The following SUCLA2 variants were observed in gnomAD, a reference collection of about 807,000 sequenced individuals.
The protein encoded by SUCLA2 is succinate-CoA ligase ADP-forming subunit beta.
SUCLA2 carries 30 observed loss-of-function variants against 54.8 expected under a neutral mutation model. The ratio of observed to expected loss-of-function variants is 0.55; its 90% CI spans 0.41 to 0.74. The LOEUF is 0.74. SUCLA2 is among the 30% of genes least tolerant of loss of function. The probability of loss-of-function intolerance (pLI) is 0.00; values close to 1 mark genes in which losing one functional copy is unlikely to be tolerated. For synonymous variants in SUCLA2, 172 were observed against 188.9 expected (o/e 0.91, Z 0.74); for missense variants, 476 against 562.9 (o/e 0.85, Z 1.56).
intron 2 of SUCLA2, among the ~76,000 whole-genome samples, chr13:47,994,579 A>AG (rs1950176396): frequency 6.6e-6 from 1 of 151,794 alleles, no homozygotes. Flanking sequence ...AAAAAAAAAA[A>AG]AAAAAAAAAA....
At position 47,988,945 on chromosome 13, in the gene SUCLA2, G is replaced by T. The variant is rs1566091706; in HGVS notation, c.308C>A (p.Ala103Asp). 1 of 1,613,542 alleles carries T rather than the reference G, an allele frequency of 6.2e-7. No homozygotes were observed. The highest frequency in any genetic ancestry group is 8.5e-7 in the Non-Finnish European group (1 of 1,179,962). Residue 103 changes from alanine to aspartate, a missense_variant, in exon 3 of 11, where the codon GCT becomes GAT. Coordinates refer to ENST00000646932, the MANE Select transcript of SUCLA2 (RefSeq NM_003850.3). ...AAATGTTCCTTTTCCTCTACCACCA[G>T]CTAAAACCTGTGCCTTTATCACGAC... ...KDVVIKAQVL[A>D]GGRGKGTFES...
intron 2 of SUCLA2, among the ~76,000 whole-genome samples, chr13:47,995,195 ATTTT>A (rs869216476): frequency 4.6e-5 from 7 of 151,846 alleles, no homozygotes; most frequent in African/African-American, 1.7e-4. Context: ...TCTAAAAAAA[ATTTT>A]TTTTTGGAAT....
At chr13:47,980,796 T>C (rs75805830) in intron 4 of SUCLA2, among the ~76,000 whole-genome samples, 1,868 of 152,226 alleles carry the variant, frequency 0.012, 49 homozygotes, top group African/African-American at 0.043. Flanking sequence ...CTAAGGTATA[T>C]GATTAAATGA....
chr13:48,001,122 C>A (rs1950227762), intron 1 of SUCLA2, 58 bp downstream of exon 1: 2 of 1,559,692 alleles, frequency 1.3e-6, no homozygotes, highest in Non-Finnish European at 1.7e-6. Flanking sequence ...CGGGACCCCT[C>A]ACACCTCACC....
chr13:47,964,202 C>T (rs1475578819), intron 6 of SUCLA2, among the ~76,000 whole-genome samples: 1 of 151,886 alleles, frequency 6.6e-6, no homozygotes, highest in East Asian at 1.9e-4. Context: ...AAAGGTCAAC[C>T]TTAAAAGGTT....
In SUCLA2 at chr13:47,954,253, T is replaced by C. The variant is rs760781981; in HGVS notation, c.994A>G (p.Met332Val). The C allele has an allele frequency of 2.5e-6, 4 of 1,613,966 alleles. No homozygotes were observed. The highest frequency in any genetic ancestry group is 3.4e-6 in the Non-Finnish European group (4 of 1,179,872). ...VNGAGLAMAT[M>V]DIIKLHGGTP... ...CCTCCATGAAGTTTTATTATATCCATTGTGGCCATAGCCAAACCAGCACCA... is the reference window on the plus strand; with the variant it reads ...CCTCCATGAAGTTTTATTATATCCACTGTGGCCATAGCCAAACCAGCACCA... The change falls in exon 8 of 11, where the codon ATG (methionine) becomes GTG (valine). Residue 332 changes from methionine (M) to valine (V), a missense_variant. Physicochemically the swap from Met to Val is conservative, Grantham distance 21. Around this residue, in one of 2 missense-constraint regions of SUCLA2, gnomAD observed 342 missense variants for 444.2 expected, o/e 0.77. Transcript: ENST00000646932.
Position 47,968,697 on chromosome 13 carries a change from C to A in SUCLA2, c.700G>T (p.Glu234Ter). 6.2e-7 allele frequency: 1 copy of A among 1,612,184 alleles called. No individual in the cohort carries two copies. ...TTGACCATGTTTTCTGCTGCTGATT[C>A]CACAATATTAGGTGGAAATCCCATC... Reference protein sequence around the residue: ...QKMGFPPNIVESAAENMVKLY... With the variant: ...QKMGFPPNIV Residue 234 changes from glutamate to a stop codon, truncating the protein, a stop_gained, in exon 6 of 11, where the codon GAA becomes TAA. Coordinates refer to ENST00000646932, the MANE Select transcript of SUCLA2 (RefSeq NM_003850.3). LOFTEE classifies it high-confidence loss of function.
intron 5 of SUCLA2, 142 bp downstream of exon 5, chr13:47,973,122 G>T: frequency 2.9e-6 from 2 of 697,876 alleles, no homozygotes; most frequent in Non-Finnish European, 4.9e-6. Flanking sequence ...ATTCCAAAAT[G>T]AGCTATTTCA....
intron 1 of SUCLA2, among the ~76,000 whole-genome samples, chr13:47,998,571 GA>G (rs1321668766): frequency 1.3e-5 from 2 of 151,934 alleles, no homozygotes; most frequent in African/African-American, 2.4e-5. Context: ...GAAATAAAAA[GA>G]AAAAAAGTAC....
intron 4 of SUCLA2, 110 bp downstream of exon 4, chr13:47,988,431 T>C (rs1555259428): frequency 7.8e-7 from 1 of 1,279,326 alleles, no homozygotes; most frequent in Non-Finnish European, 1.1e-6. Flanking sequence ...TACAAACAGA[T>C]TATAATTTGT....
At chr13:48,000,447 G>A (rs957766508) in intron 1 of SUCLA2, among the ~76,000 whole-genome samples, 3 of 152,144 alleles carry the variant, frequency 2.0e-5, no homozygotes, top group African/African-American at 7.2e-5. Flanking sequence ...CAATGATGCA[G>A]GTGTTGAATG....
At chr13:47,955,185 T>A (rs189691158) in intron 6 of SUCLA2, among the ~76,000 whole-genome samples, 15 of 152,262 alleles carry the variant, frequency 9.9e-5, no homozygotes, top group African/African-American at 2.6e-4. Context: ...TATGGCCAGA[T>A]TCGGCCTGTG....
intron 4 of SUCLA2, among the ~76,000 whole-genome samples, chr13:47,985,107 G>A (rs1302857833): frequency 5.9e-5 from 9 of 152,140 alleles, no homozygotes; most frequent in African/African-American, 1.9e-4. Context: ...GTTACCTCCC[G>A]GAATCAGGAT....
intron 8 of SUCLA2, among the ~76,000 whole-genome samples, chr13:47,952,696 TTCA>T (rs1287498185): frequency 1.3e-3 from 191 of 152,244 alleles, no homozygotes; most frequent in Non-Finnish European, 2.2e-3. Flanking sequence ...CACAAGAGAA[TTCA>T]TTATGAATTC....
intron 2 of SUCLA2, among the ~76,000 whole-genome samples, chr13:47,995,834 C>G (rs149009266): frequency 6.6e-6 from 1 of 152,150 alleles, no homozygotes; most frequent in African/African-American, 2.4e-5. Context: ...TTTCTGAAAT[C>G]AAAAATTATT....
At position 48,001,190 on chromosome 13, in the gene SUCLA2, G is replaced by A. The variant is rs368407554; in HGVS notation, c.80C>T (p.Ala27Val). ...ACTGGAAGGCATTACCTGAGCAGCA[G>A]CCCGCTGGGCCGTCCGAGGCCGGTG... is the stretch of plus-strand genomic sequence containing the variant. ...RNHRPRTAQR[A>V]AAQVLGSSGL... The change falls in exon 1 of 11, where the codon GCT (alanine) becomes GTT (valine). Residue 27 changes from alanine (A) to valine (V), a missense_variant. Around this residue, in one of 2 missense-constraint regions of SUCLA2, gnomAD observed 134 missense variants for 118.7 expected, o/e 1.13. Transcript: ENST00000646932. 4.2e-5 allele frequency: 67 copies of A among 1,609,328 alleles called. No individual in the cohort carries two copies. The highest frequency in any genetic ancestry group is 5.4e-5 in the Non-Finnish European group (64 of 1,178,610).
At chr13:47,964,717 C>T (rs1442918198) in intron 6 of SUCLA2, among the ~76,000 whole-genome samples, 1 of 151,954 alleles carries the variant, frequency 6.6e-6, no homozygotes, top group Non-Finnish European at 1.5e-5. Context: ...ATTAGCCGGG[C>T]GTGGTGGCGG....
intron 6 of SUCLA2, among the ~76,000 whole-genome samples, chr13:47,966,783 G>C (rs1170192973): frequency 1.3e-5 from 2 of 151,562 alleles, no homozygotes; most frequent in Non-Finnish European, 2.9e-5. Flanking sequence ...CAGGAGCTGA[G>C]GTAAGAGGAT....
In SUCLA2 at chr13:47,948,931, C is replaced by T; in HGVS notation, c.1317+9G>A. The T allele has an allele frequency of 6.2e-7, 1 of 1,613,198 alleles. No individual in the cohort carries two copies. The highest frequency in any genetic ancestry group is 8.5e-7 in the Non-Finnish European group (1 of 1,179,322). On this transcript the variant is annotated intron_variant, in intron 10 of 10. Coordinates refer to ENST00000646932, the MANE Select transcript of SUCLA2 (RefSeq NM_003850.3). ...ATAAATCCTCCTTAGATGAACATGG[C>T]CAATTTACCATTCTAGCAGCTTCAT...
Sources: gnomAD v4.1 joint callset for allele counts (sites outside exome capture counted in the v4.1 genomes callset) on GRCh38, gnomAD v4.1.1 for gene constraint, gnomAD v4.1.1 regional missense constraint, MANE v1.5 for transcripts, NCBI Gene and HGNC (gene_info 2026-07-23, HGNC 2026-07-21) for gene names.